TFEC: variants seen among roughly 807,000 people sequenced by gnomAD.
The protein encoded by TFEC is class E basic helix-loop-helix protein 34.
TFEC carries 31 observed loss-of-function variants against 41.6 expected under a neutral mutation model. The observed-to-expected ratio is 0.74, with a 90% CI of 0.56 to 1.01. The LOEUF is 1.01. Ranked by LOEUF, TFEC falls within the 50% of genes least tolerant of loss-of-function variation. The probability of loss-of-function intolerance (pLI) is 0.00; values close to 1 mark genes in which losing one functional copy is unlikely to be tolerated. For missense variants in TFEC, 402 were observed against 404.1 expected (o/e 0.99, Z 0.04); for synonymous variants, 143 against 140.6 (o/e 1.02, Z -0.12).
At chr7:116,051,057 A>G (rs111371942) in intron 3 of TFEC, among the ~76,000 whole-genome samples, 15,060 of 152,210 alleles carry the variant, frequency 0.099, 816 homozygotes, top group African/African-American at 0.13. Flanking sequence ...ACAGAAAACC[A>G]AACACCGCAT....
chr7:115,973,148 G>T (rs1490457349), intron 3 of TFEC, among the ~76,000 whole-genome samples: 3 of 151,960 alleles, frequency 2.0e-5, no homozygotes, highest in Non-Finnish European at 4.4e-5. Context: ...CTGATATTTA[G>T]CAGGTAGAGT....
chr7:115,968,150 A>G, intron 3 of TFEC: 1 of 1,514,600 alleles, frequency 6.6e-7, no homozygotes, highest in Non-Finnish European at 8.8e-7. Flanking sequence ...TTTCATCTCC[A>G]AACACTGAAA....
chr7:115,979,498 T>C (rs1247471731), intron 2 of TFEC, among the ~76,000 whole-genome samples: 1 of 152,174 alleles, frequency 6.6e-6, no homozygotes, highest in East Asian at 1.9e-4. Flanking sequence ...ATAGATTATA[T>C]AGGATGTGCA....
chr7:116,060,520 A>G (rs149518861), intron 3 of TFEC, among the ~76,000 whole-genome samples: 175 of 152,312 alleles, frequency 1.1e-3, no homozygotes, highest in African/African-American at 3.9e-3. Flanking sequence ...ACCATGGAAT[A>G]CTATGCAGCC....
At chr7:116,026,765 A>G (rs2130875200) in intron 1 of TFEC, among the ~76,000 whole-genome samples, 1 of 152,324 alleles carries the variant, frequency 6.6e-6, no homozygotes, top group South Asian at 2.1e-4. Context: ...CAAAGTAAAG[A>G]AGGTTGAATA....
At chr7:116,055,472 ATATAGT>A (rs1475276960) in intron 3 of TFEC, among the ~76,000 whole-genome samples, 42 of 152,184 alleles carry the variant, frequency 2.8e-4, no homozygotes, top group African/African-American at 9.1e-4. Flanking sequence ...ATATGTTCTA[ATATAGT>A]TATATGGTGA....
In TFEC at chr7:115,939,864, A is replaced by G. The variant is rs1793401284; in HGVS notation, c.*687T>C. 1 of 152,102 alleles carries G rather than the reference A, an allele frequency of 6.6e-6. No homozygotes were observed. The highest frequency in any genetic ancestry group is 1.5e-5 in the Non-Finnish European group (1 of 68,000). The allele number at this position is 152,102 out of a possible 1,614,324, so 9.4% of individuals were successfully genotyped here. On this transcript the variant is annotated 3_prime_UTR_variant, in exon 8 of 8. Transcript: ENST00000265440. Reference sequence around the variant, plus strand: ...GTTCCTTTTCCTGAACAGAGACTGGAGATATAAATATGCATGGATGCTTTT... The same window carrying G: ...GTTCCTTTTCCTGAACAGAGACTGGGGATATAAATATGCATGGATGCTTTT...
chr7:116,141,516 AACAG>A (rs1278708316), intron 1 of TFEC, among the ~76,000 whole-genome samples: 2 of 152,230 alleles, frequency 1.3e-5, no homozygotes, highest in African/African-American at 4.8e-5. Flanking sequence ...ACAAAGGTAA[AACAG>A]ACAGAGTCCC....
intron 1 of TFEC, among the ~76,000 whole-genome samples, chr7:115,994,773 G>C (rs578043635): frequency 6.6e-6 from 1 of 152,186 alleles, no homozygotes; most frequent in African/African-American, 2.4e-5. Context: ...TTCAACCATT[G>C]TGGAAGACAG....
intron 3 of TFEC, among the ~76,000 whole-genome samples, chr7:116,096,021 C>G (rs1222658603): frequency 6.6e-6 from 1 of 152,194 alleles, no homozygotes; most frequent in Non-Finnish European, 1.5e-5. Flanking sequence ...TAACTACTTA[C>G]TACCACTTTT....
At chr7:116,133,107 A>T (rs1294390282) in intron 1 of TFEC, among the ~76,000 whole-genome samples, 1 of 152,236 alleles carries the variant, frequency 6.6e-6, no homozygotes, top group Non-Finnish European at 1.5e-5. Flanking sequence ...AGTTGCTTAT[A>T]ATCTTTTCAG....
intron 1 of TFEC, among the ~76,000 whole-genome samples, chr7:116,152,110 C>T (rs1046288716): frequency 2.0e-5 from 3 of 151,986 alleles, no homozygotes; most frequent in African/African-American, 7.3e-5. Context: ...GAGCAATTTG[C>T]GCAAAAAGTT....
At position 116,144,594 on chromosome 7, in the gene TFEC, C is replaced by T. The variant is rs140536503; in HGVS notation, c.-69+15196G>A. ...CAAACTCCTGGGTTCAAACGCTCCT[C>T]CCACCTCCATCTCCCAAAGCATTGG... On this transcript the variant is annotated intron_variant, in intron 1 of 8. Coordinates refer to the TFEC transcript ENST00000484212. Among the ~76,000 whole-genome samples, 1,231 of 152,218 alleles carry T rather than the reference C, an allele frequency of 8.1e-3. 26 individuals carry two copies. Among genetic ancestry groups the T allele is most frequent in the Admixed American group, 0.03 (459 of 15,274 alleles).
chr7:116,123,144 T>A lies in TFEC; in HGVS notation c.-68-11106A>T, dbSNP rs73462594. The stretch of plus-strand genomic sequence containing the variant: ...AGCAATTGCTGAACTCACATTTTTT[T>A]AAAAAACTACAAGTTACCAACTAAC... On this transcript the variant is annotated intron_variant, in intron 1 of 8. Coordinates refer to the TFEC transcript ENST00000484212. Among the ~76,000 whole-genome samples the A allele has an allele frequency of 5.2e-3, 797 of 152,232 alleles. 9 individuals carry two copies. Among genetic ancestry groups the A allele is most frequent in the East Asian group, 0.034 (174 of 5,180 alleles).
intron 3 of TFEC, among the ~76,000 whole-genome samples, chr7:116,046,065 A>G (rs915496117): frequency 6.6e-6 from 1 of 152,150 alleles, no homozygotes; most frequent in African/African-American, 2.4e-5. Context: ...AGGAAGAACT[A>G]GCTTGCTTTT....
At chr7:115,941,805 G>GA (rs1793517209) in intron 7 of TFEC, 88 bp downstream of exon 7, 5 of 1,485,248 alleles carry the variant, frequency 3.4e-6, no homozygotes, top group Middle Eastern at 1.8e-4. Context: ...GTTAATAAGA[G>GA]AAAAAATAAA....
At chr7:115,942,644 T>G (rs1793564840) in intron 6 of TFEC, among the ~76,000 whole-genome samples, 1 of 152,028 alleles carries the variant, frequency 6.6e-6, no homozygotes, top group Non-Finnish European at 1.5e-5. Context: ...TCAAAACTTT[T>G]TAAAAGCTTG....
At chr7:116,137,959 T>G (rs1056398188) in intron 1 of TFEC, among the ~76,000 whole-genome samples, 1 of 151,984 alleles carries the variant, frequency 6.6e-6, no homozygotes, top group South Asian at 2.1e-4. Flanking sequence ...TAATCAAGAA[T>G]TCTAGATTTC....
intron 1 of TFEC, among the ~76,000 whole-genome samples, chr7:116,158,536 T>A (rs1798914811): frequency 6.6e-6 from 1 of 152,152 alleles, no homozygotes; most frequent in Non-Finnish European, 1.5e-5. Flanking sequence ...GCCATTTATT[T>A]TTTTATTTTC....
Sources: allele counts gnomAD v4.1 joint callset (sites outside exome capture counted in the v4.1 genomes callset), GRCh38; gene constraint gnomAD v4.1.1; transcripts MANE v1.5; gene names NCBI Gene and HGNC (gene_info 2026-07-23, HGNC 2026-07-21).